L3MBTL4: variants seen among roughly 807,000 people sequenced by gnomAD.
L3MBTL4 encodes the protein L3MBTL histone methyl-lysine binding protein 4.
A neutral mutation model predicts 84.5 loss-of-function variants in L3MBTL4; 70 were observed. The observed-to-expected ratio is 0.83, with a 90% confidence interval of 0.68 to 1.01. The LOEUF (loss-of-function observed/expected upper bound fraction) is 1.01. Ranked by LOEUF, L3MBTL4 falls within the 50% of genes least tolerant of loss-of-function variation. L3MBTL4 has a pLI of 0.00. For missense variants in L3MBTL4, 715 were observed against 754.8 expected, an observed-to-expected ratio of 0.95 and a Z score of 0.62; for synonymous variants, 274 against 259.8, an observed-to-expected ratio of 1.05 and a Z score of -0.52.
At chr18:6,123,026 T>C (rs1277725688) in intron 14 of L3MBTL4, among the ~76,000 whole-genome samples, 4 of 152,172 alleles carry the variant, frequency 2.6e-5, no homozygotes, top group Non-Finnish European at 5.9e-5. Flanking sequence ...AAAGATTATA[T>C]TTTCTTTTTT....
intron 16 of L3MBTL4, among the ~76,000 whole-genome samples, chr18:6,017,439 T>G (rs1203044380): frequency 6.6e-6 from 1 of 152,220 alleles, no homozygotes; most frequent in Non-Finnish European, 1.5e-5. Flanking sequence ...TCTAGAGTTT[T>G]ACACTGTAAT....
At chr18:6,282,249 T>C (rs1057245008) in intron 4 of L3MBTL4, among the ~76,000 whole-genome samples, 4 of 152,202 alleles carry the variant, frequency 2.6e-5, no homozygotes, top group African/African-American at 9.7e-5. Flanking sequence ...CTTTAAAATC[T>C]ACTGGAGAGG....
chr18:6,113,771 T>C (rs2144147486), intron 14 of L3MBTL4, among the ~76,000 whole-genome samples: 1 of 152,328 alleles, frequency 6.6e-6, no homozygotes, highest in South Asian at 2.1e-4. Context: ...CTTGAGTTCA[T>C]GGCTATACTT....
chr18:6,002,492 T>C (rs528450651), intron 16 of L3MBTL4, among the ~76,000 whole-genome samples: 5 of 152,258 alleles, frequency 3.3e-5, no homozygotes, highest in African/African-American at 7.2e-5. Flanking sequence ...TATTAGCCTA[T>C]GTTTTTGGAC....
At chr18:6,380,513 T>G (rs1016693693) in intron 1 of L3MBTL4, among the ~76,000 whole-genome samples, 2 of 152,196 alleles carry the variant, frequency 1.3e-5, no homozygotes, top group Non-Finnish European at 2.9e-5. Flanking sequence ...TCTGGTACAT[T>G]GTGTTGTTGT....
intron 12 of L3MBTL4, among the ~76,000 whole-genome samples, chr18:6,192,095 G>C (rs2045132489): frequency 6.6e-6 from 1 of 152,076 alleles, no homozygotes; most frequent in Non-Finnish European, 1.5e-5. Flanking sequence ...GTGTGAGAAG[G>C]AGCTGCTGGT....
At position 5,969,380 on chromosome 18, in the gene L3MBTL4, C is replaced by A. The variant is rs1287876730; in HGVS notation, c.1614+13G>T. On this transcript the variant is annotated intron_variant, in intron 17 of 18. Coordinates refer to ENST00000317931, the MANE Select transcript of L3MBTL4 (RefSeq NM_001330559.2). The stretch of plus-strand genomic sequence containing the variant: ...GCACACCCCAGCCCTGGCCCCCCAG[C>A]AGCTCCACTCACCTCATCCACAGTC... 2 of 1,613,650 alleles carry A rather than the reference C, an allele frequency of 1.2e-6. No individual in the cohort carries two copies. Among genetic ancestry groups the A allele is most frequent in the Non-Finnish European group, 1.7e-6 (2 of 1,179,968 alleles).
chr18:6,068,566 T>C (rs1350926505), intron 16 of L3MBTL4, among the ~76,000 whole-genome samples: 1 of 152,002 alleles, frequency 6.6e-6, no homozygotes, highest in Non-Finnish European at 1.5e-5. Context: ...TAGAGAGGAG[T>C]TGTGACTCTG....
intron 17 of L3MBTL4, among the ~76,000 whole-genome samples, chr18:5,964,510 C>CT (rs140729651): frequency 0.049 from 7,346 of 149,504 alleles, 338 homozygotes; most frequent in East Asian, 0.22. Flanking sequence ...GTTTATTTGC[C>CT]TTTTTTTTTT....
chr18:6,401,030 C>T (rs1251558201), intron 1 of L3MBTL4, among the ~76,000 whole-genome samples: 1 of 152,172 alleles, frequency 6.6e-6, no homozygotes, highest in Non-Finnish European at 1.5e-5. Context: ...TGCCAGCCTA[C>T]TCACACTTCC....
At chr18:6,032,195 T>G in intron 16 of L3MBTL4, 1 of 388,520 alleles carries the variant, frequency 2.6e-6, no homozygotes, top group Admixed American at 6.3e-5. Context: ...GCCAGGATGG[T>G]CTTGATCTCC....
chr18:6,309,911 C>T (rs771329282), intron 3 of L3MBTL4, among the ~76,000 whole-genome samples: 5 of 150,804 alleles, frequency 3.3e-5, no homozygotes, highest in Non-Finnish European at 4.5e-5. Flanking sequence ...ACATGCTTAG[C>T]GGTAAGATGC....
intron 5 of L3MBTL4, among the ~76,000 whole-genome samples, chr18:6,258,403 G>A (rs1038512369): frequency 6.6e-6 from 1 of 152,188 alleles, no homozygotes; most frequent in African/African-American, 2.4e-5. Flanking sequence ...CATTAGTCAG[G>A]AGCTGGGATT....
At chr18:6,234,005 T>C (rs2047108559) in intron 10 of L3MBTL4, among the ~76,000 whole-genome samples, 1 of 151,960 alleles carries the variant, frequency 6.6e-6, no homozygotes, top group Non-Finnish European at 1.5e-5. Flanking sequence ...CCCTCAGAAA[T>C]AATACCACAC....
At chr18:6,297,259 G>A (rs1325674979) in intron 4 of L3MBTL4, among the ~76,000 whole-genome samples, 1 of 152,160 alleles carries the variant, frequency 6.6e-6, no homozygotes, top group African/African-American at 2.4e-5. Flanking sequence ...CTGGACATGA[G>A]AGAACAAAAC....
At chr18:5,990,747 CA>C (rs1422945699) in intron 16 of L3MBTL4, among the ~76,000 whole-genome samples, 1 of 150,224 alleles carries the variant, frequency 6.7e-6, no homozygotes, top group East Asian at 2.0e-4. Context: ...GAATTCCTTT[CA>C]AACTTTAGTA....
At chr18:6,386,760 G>T (rs114667402) in intron 1 of L3MBTL4, among the ~76,000 whole-genome samples, 1 of 152,164 alleles carries the variant, frequency 6.6e-6, no homozygotes, top group Admixed American at 6.5e-5. Context: ...GTGCACAAAG[G>T]GGGAGAAGGC....
At chr18:6,215,958 G>A (rs909529010) in intron 10 of L3MBTL4, 123 bp from the exon 11 acceptor site, 2 of 524,378 alleles carry the variant, frequency 3.8e-6, no homozygotes, top group African/African-American at 1.9e-5. Flanking sequence ...AAACAGACCT[G>A]ATGCTAAGAA....
intron 4 of L3MBTL4, among the ~76,000 whole-genome samples, chr18:6,266,986 G>A (rs918959213): frequency 4.0e-5 from 6 of 151,848 alleles, no homozygotes; most frequent in African/African-American, 1.4e-4. Context: ...CCCTGTTAAT[G>A]TGACAAGTGT....
Sources: allele counts gnomAD v4.1 joint callset (sites outside exome capture counted in the v4.1 genomes callset), GRCh38; gene constraint gnomAD v4.1.1; transcripts MANE v1.5; gene names NCBI Gene and HGNC (gene_info 2026-07-23, HGNC 2026-07-21).